The following PTPRT variants were observed in gnomAD, a reference collection of about 807,000 sequenced individuals.
PTPRT encodes the protein receptor-type tyrosine-protein phosphatase T.
Under a neutral mutation model 176.8 loss-of-function variants are expected in PTPRT, and 56 were observed. The observed-to-expected ratio is 0.32, with a 90% CI of 0.26 to 0.40. The LOEUF (loss-of-function observed/expected upper bound fraction) is 0.40. PTPRT is among the 10% of genes least tolerant of loss of function. The probability of loss-of-function intolerance (pLI) is 1.00; values close to 1 mark genes in which losing one functional copy is unlikely to be tolerated. For synonymous variants in PTPRT, 783 were observed against 739.0 expected (o/e 1.06, Z -0.96); for missense variants, 1,540 against 1,908.2 (o/e 0.81, Z 3.60).
At chr20:42,186,128 G>A (rs1990772144) in intron 16 of PTPRT, among the ~76,000 whole-genome samples, 1 of 152,028 alleles carries the variant, frequency 6.6e-6, no homozygotes, top group South Asian at 2.1e-4. Context: ...TAGGAGAAAA[G>A]CATGGGTATA....
At chr20:43,177,004 A>G (rs2015138934) in intron 1 of PTPRT, among the ~76,000 whole-genome samples, 1 of 152,150 alleles carries the variant, frequency 6.6e-6, no homozygotes, top group Non-Finnish European at 1.5e-5. Flanking sequence ...CACTCCCATA[A>G]TATCCTGTAT....
At chr20:42,389,621 G>A (rs1272543176) in intron 9 of PTPRT, among the ~76,000 whole-genome samples, 8 of 152,018 alleles carry the variant, frequency 5.3e-5, no homozygotes, top group African/African-American at 1.9e-4. Context: ...AGGACAAGGC[G>A]AGAGACTTCT....
intron 1 of PTPRT, among the ~76,000 whole-genome samples, chr20:43,107,649 T>C (rs1028933902): frequency 2.0e-5 from 3 of 152,168 alleles, no homozygotes; most frequent in Non-Finnish European, 4.4e-5. Context: ...ATATCGCAAT[T>C]ACACAGTGCC....
intron 22 of PTPRT, among the ~76,000 whole-genome samples, chr20:42,114,728 G>T (rs78983869): frequency 6.6e-6 from 1 of 152,136 alleles, no homozygotes; most frequent in Non-Finnish European, 1.5e-5. Context: ...ATTCCTTGGG[G>T]GATCAAAATG....
chr20:42,437,388 T>C (rs1404725416), intron 9 of PTPRT, among the ~76,000 whole-genome samples: 2 of 152,186 alleles, frequency 1.3e-5, no homozygotes, highest in Non-Finnish European at 2.9e-5. Context: ...CTAGTTCAAG[T>C]ACACTCTGCA....
intron 9 of PTPRT, among the ~76,000 whole-genome samples, chr20:42,432,051 G>A (rs549190771): frequency 6.6e-6 from 1 of 152,214 alleles, no homozygotes; most frequent in Non-Finnish European, 1.5e-5. Context: ...GTCTTCAGGG[G>A]CATGGCTCAT....
At chr20:42,459,153 C>T (rs1002978581) in intron 8 of PTPRT, among the ~76,000 whole-genome samples, 4 of 152,142 alleles carry the variant, frequency 2.6e-5, no homozygotes, top group Admixed American at 2.0e-4. Context: ...TTTGGCAGAA[C>T]CTTACTGTAG....
chr20:43,185,651 T>A (rs1021774519), intron 1 of PTPRT, among the ~76,000 whole-genome samples: 1 of 152,038 alleles, frequency 6.6e-6, no homozygotes, highest in Admixed American at 6.6e-5. Flanking sequence ...GGAGGAAAAC[T>A]GGGTGGGCAT....
In PTPRT at chr20:42,161,350, A is replaced by G; in HGVS notation, c.2682+2T>C. The stretch of plus-strand genomic sequence containing the variant: ...AAGTTTCCCCACAGGCTGGTCTCTT[A>G]CCTCGTATTCCTCCTTGAACCCGTA... On this transcript the variant is annotated splice_donor_variant, in intron 17 of 30. Transcript: ENST00000373187. LOFTEE classifies it high-confidence loss of function. The G allele has an allele frequency of 6.2e-7, 1 of 1,613,988 alleles. No individual in the cohort carries two copies. The highest frequency in any genetic ancestry group is 8.5e-7 in the Non-Finnish European group (1 of 1,179,980).
At position 43,169,112 on chromosome 20, in the gene PTPRT, G is replaced by A. The variant is rs76475727; in HGVS notation, c.88+20534C>T. On this transcript the variant is annotated intron_variant, in intron 1 of 30. Coordinates refer to ENST00000373187, the MANE Select transcript of PTPRT (RefSeq NM_007050.6). Reference sequence around the variant, plus strand: ...ACCCTCAGTTCTTGTGCAGCCTTGGGTTGGTCCTCTAAACCATCTAAGATC... The same window carrying A: ...ACCCTCAGTTCTTGTGCAGCCTTGGATTGGTCCTCTAAACCATCTAAGATC... Among the ~76,000 whole-genome samples, 762 of 152,264 alleles carry A rather than the reference G, an allele frequency of 5.0e-3. 8 individuals carry two copies. The highest frequency in any genetic ancestry group is 0.017 in the African/African-American group (721 of 41,546).
intron 15 of PTPRT, among the ~76,000 whole-genome samples, chr20:42,219,814 G>A (rs1000613901): frequency 6.6e-6 from 1 of 152,140 alleles, no homozygotes; most frequent in Non-Finnish European, 1.5e-5. Flanking sequence ...CTATCACATG[G>A]TTCTAAGTCC....
rs539102745 is a variant in PTPRT, at chr20:43,019,617, C to CAAA, written c.89-133688_89-133686dup. ...CTGGCAACAGAGCGAGACACCGTCT[C>CAAA]AAAAAAAAAAAAAAAAAAAGAATAA... is the stretch of plus-strand genomic sequence containing the variant. On this transcript the variant is annotated intron_variant, in intron 1 of 30. Transcript: ENST00000373187. Among the ~76,000 whole-genome samples the CAAA allele has an allele frequency of 7.3e-3, 408 of 56,080 alleles. 1 individual carries two copies. Among genetic ancestry groups the CAAA allele is most frequent in the African/African-American group, 0.02 (392 of 19,160 alleles). The allele number at this position is 56,080 out of a possible 152,430, so 36.8% of individuals were successfully genotyped here. A position where few individuals can be genotyped will look rare whatever the true frequency, so the allele number is the denominator to read the frequency against.
intron 18 of PTPRT, among the ~76,000 whole-genome samples, chr20:42,135,560 G>A (rs1197412675): frequency 1.3e-5 from 2 of 152,168 alleles, no homozygotes; most frequent in Non-Finnish European, 2.9e-5. Context: ...TAGTGCAGAG[G>A]TGCTCTGGTT....
intron 7 of PTPRT, among the ~76,000 whole-genome samples, chr20:42,486,244 C>T (rs565654691): frequency 1.3e-5 from 2 of 152,328 alleles, no homozygotes; most frequent in African/African-American, 4.8e-5. Flanking sequence ...AATGATACTT[C>T]TTCATATCAG....
At chr20:42,774,000 C>T (rs1309150020) in intron 4 of PTPRT, among the ~76,000 whole-genome samples, 1 of 152,226 alleles carries the variant, frequency 6.6e-6, no homozygotes, top group Non-Finnish European at 1.5e-5. Context: ...AGCAACAGAC[C>T]TTTTGCCTTG....
chr20:43,122,428 A>T (rs1014618406), intron 1 of PTPRT, among the ~76,000 whole-genome samples: 2 of 152,178 alleles, frequency 1.3e-5, no homozygotes, highest in African/African-American at 4.8e-5. Flanking sequence ...ACATGAAGAG[A>T]GCAAGAAACT....
intron 9 of PTPRT, among the ~76,000 whole-genome samples, chr20:42,437,621 T>C (rs1344610651): frequency 6.6e-6 from 1 of 152,192 alleles, no homozygotes; most frequent in African/African-American, 2.4e-5. Flanking sequence ...GATCTCATAC[T>C]TGGGTGTCAG....
chr20:42,444,460 C>A (rs1336798442), intron 9 of PTPRT, among the ~76,000 whole-genome samples: 7 of 152,184 alleles, frequency 4.6e-5, no homozygotes, highest in Admixed American at 4.6e-4. Context: ...AAGCCACTCA[C>A]ATTTTGGGGG....
chr20:42,415,756 G>C (rs2059060481), intron 9 of PTPRT, among the ~76,000 whole-genome samples: 1 of 152,190 alleles, frequency 6.6e-6, no homozygotes, highest in Non-Finnish European at 1.5e-5. Context: ...CAACTAGTTA[G>C]CTATCTTGGA....
Sources: allele counts gnomAD v4.1 joint callset (sites outside exome capture counted in the v4.1 genomes callset), GRCh38; gene constraint gnomAD v4.1.1; transcripts MANE v1.5; gene names NCBI Gene and HGNC (gene_info 2026-07-23, HGNC 2026-07-21).